Variants in ADGRL3 observed in about 807,000 individuals in gnomAD.
ADGRL3 encodes calcium-independent alpha-latrotoxin receptor 3.
A neutral mutation model predicts 153.5 loss-of-function variants in ADGRL3; 62 were observed. That is an observed-to-expected ratio of 0.40 (90% CI 0.33 to 0.50). The LOEUF is 0.50. Ranked by LOEUF, ADGRL3 falls within the 20% of genes least tolerant of loss-of-function variation. The pLI is 0.47. For synonymous variants in ADGRL3, 710 were observed against 672.5 expected, an observed-to-expected ratio of 1.06 and a Z score of -0.86; for missense variants, 1,641 against 1,859.4, an observed-to-expected ratio of 0.88 and a Z score of 2.16.
chr4:61,730,030 G>A (rs1414030854), intron 6 of ADGRL3, among the ~76,000 whole-genome samples: 1 of 151,826 alleles, frequency 6.6e-6, no homozygotes, highest in Non-Finnish European at 1.5e-5. Flanking sequence ...TCTTCAATAA[G>A]GATTCCAAAT....
chr4:61,354,574 CTGTGTG>C (rs58238791), intron 1 of ADGRL3, among the ~76,000 whole-genome samples: 2 of 148,280 alleles, frequency 1.3e-5, no homozygotes, highest in Non-Finnish European at 3.0e-5. Context: ...AAGACTTTGT[CTGTGTG>C]TGTGTGTGTG....
intron 8 of ADGRL3, among the ~76,000 whole-genome samples, chr4:61,771,148 G>GA (rs2097081161): frequency 6.6e-6 from 1 of 152,190 alleles, no homozygotes. Context: ...CTTAGACTGA[G>GA]TCCCTCCATA....
intron 13 of ADGRL3, among the ~76,000 whole-genome samples, chr4:61,930,130 C>G (rs549395003): frequency 1.0e-4 from 15 of 148,670 alleles, no homozygotes; most frequent in African/African-American, 3.7e-4. Context: ...GAGCAGAGAT[C>G]GTGCCACTGC....
chr4:61,778,431 G>A (rs2097177473), intron 8 of ADGRL3, among the ~76,000 whole-genome samples: 1 of 152,118 alleles, frequency 6.6e-6, no homozygotes, highest in Non-Finnish European at 1.5e-5. Context: ...AACATTAAAA[G>A]AAAACCGTTA....
chr4:61,577,239 G>A (rs1352314159), intron 4 of ADGRL3, among the ~76,000 whole-genome samples: 1 of 148,438 alleles, frequency 6.7e-6, no homozygotes, highest in African/African-American at 2.5e-5. Flanking sequence ...GATGAGGGAG[G>A]GAAGGGAAGA....
chr4:61,254,782 T>C (rs138661550), intron 1 of ADGRL3, among the ~76,000 whole-genome samples: 70 of 152,302 alleles, frequency 4.6e-4, no homozygotes, highest in African/African-American at 1.6e-3. Context: ...TGGATGCTGA[T>C]TCTCTGGTTA....
chr4:61,262,676 C>T (rs2092608837), intron 1 of ADGRL3, among the ~76,000 whole-genome samples: 1 of 151,966 alleles, frequency 6.6e-6, no homozygotes, highest in Non-Finnish European at 1.5e-5. Flanking sequence ...GAGCGTTTAT[C>T]TTAACAGAAA....
intron 8 of ADGRL3, among the ~76,000 whole-genome samples, chr4:61,748,775 A>G (rs572015365): frequency 6.6e-6 from 1 of 152,154 alleles, no homozygotes; most frequent in African/African-American, 2.4e-5. Flanking sequence ...AAACCTAGGC[A>G]TTACCATTCA....
intron 2 of ADGRL3, among the ~76,000 whole-genome samples, chr4:61,415,101 A>C (rs1327819106): frequency 2.0e-5 from 3 of 151,898 alleles, no homozygotes; most frequent in African/African-American, 7.2e-5. Flanking sequence ...TAGTGAAGAC[A>C]GTCTTTATAA....
intron 20 of ADGRL3, 120 bp downstream of exon 20, chr4:61,996,477 C>A (rs972338812): frequency 1.3e-5 from 9 of 691,322 alleles, no homozygotes; most frequent in Non-Finnish European, 2.3e-5. Flanking sequence ...CTTATTTGAC[C>A]CTACATAATT....
chr4:62,030,132 ATATT>A (rs1019034207), intron 22 of ADGRL3, among the ~76,000 whole-genome samples: 10 of 151,560 alleles, frequency 6.6e-5, no homozygotes, highest in Non-Finnish European at 1.5e-4. Flanking sequence ...AAAACAGTAA[ATATT>A]TATAATTATT....
At chr4:61,668,881 T>A (rs1021903858) in intron 5 of ADGRL3, among the ~76,000 whole-genome samples, 1 of 152,042 alleles carries the variant, frequency 6.6e-6, no homozygotes, top group African/African-American at 2.4e-5. Context: ...TAGGTGGGCA[T>A]GGTTATGTGT....
chr4:61,214,783 A>T (rs1041292284), intron 1 of ADGRL3, among the ~76,000 whole-genome samples: 19 of 152,130 alleles, frequency 1.2e-4, no homozygotes, highest in African/African-American at 4.1e-4. Context: ...AAAAATAATT[A>T]AAAAATTAAG....
intron 8 of ADGRL3, among the ~76,000 whole-genome samples, chr4:61,738,739 T>C (rs182351291): frequency 1.3e-5 from 2 of 152,332 alleles, no homozygotes; most frequent in African/African-American, 2.4e-5. Flanking sequence ...ATGACATGTA[T>C]GTTTGCATTA....
intron 4 of ADGRL3, among the ~76,000 whole-genome samples, chr4:61,548,133 C>G (rs910227654): frequency 5.3e-5 from 8 of 151,802 alleles, no homozygotes; most frequent in Admixed American, 3.3e-4. Context: ...GGGTTGTTTG[C>G]TTTTTGCTTG....
intron 5 of ADGRL3, among the ~76,000 whole-genome samples, chr4:61,644,697 T>C (rs1017720213): frequency 6.6e-6 from 1 of 152,178 alleles, no homozygotes; most frequent in African/African-American, 2.4e-5. Context: ...AGAAGAGCTT[T>C]ACTTCCAAGT....
At chr4:61,881,228 A>G (rs978441483) in intron 9 of ADGRL3, among the ~76,000 whole-genome samples, 5 of 152,230 alleles carry the variant, frequency 3.3e-5, no homozygotes, top group Non-Finnish European at 7.3e-5. Context: ...AGATATAACA[A>G]AGATGAATGC....
At chr4:61,419,964 T>C (rs1042999588) in intron 2 of ADGRL3, among the ~76,000 whole-genome samples, 2 of 151,430 alleles carry the variant, frequency 1.3e-5, no homozygotes, top group Admixed American at 1.3e-4. Context: ...CGGCTGATAT[T>C]TTTTTTTATA....
chr4:61,490,353 C>T (rs2098245063), intron 2 of ADGRL3, among the ~76,000 whole-genome samples: 1 of 151,684 alleles, frequency 6.6e-6, no homozygotes, highest in Non-Finnish European at 1.5e-5. Flanking sequence ...CCTTCTCTTC[C>T]TCATTGTTTC....
Sources: allele counts gnomAD v4.1 joint callset (sites outside exome capture counted in the v4.1 genomes callset), GRCh38; gene constraint gnomAD v4.1.1; transcripts MANE v1.5; gene names NCBI Gene and HGNC (gene_info 2026-07-23, HGNC 2026-07-21).